The following ATG4C variants were observed in gnomAD, a reference collection of about 807,000 sequenced individuals.
ATG4C encodes autophagy related 4C cysteine peptidase, also known as cysteine protease ATG4C.
Under a neutral mutation model 57.6 loss-of-function variants are expected in ATG4C, and 56 were observed. The ratio of observed to expected loss-of-function variants is 0.97; its 90% CI spans 0.78 to 1.21. The LOEUF is 1.21. Ranked by LOEUF, ATG4C falls within the 50% of genes most tolerant of loss-of-function variation. The pLI is 0.00. For missense variants in ATG4C, 595 were observed against 529.8 expected, an observed-to-expected ratio of 1.12 and a Z score of -1.21; for synonymous variants, 157 against 174.1, an observed-to-expected ratio of 0.90 and a Z score of 0.78.
intron 3 of ATG4C, among the ~76,000 whole-genome samples, chr1:62,806,419 T>TTA (rs1262621679): frequency 4.6e-5 from 7 of 152,102 alleles, no homozygotes; most frequent in Admixed American, 3.9e-4. Flanking sequence ...GCGTATGGAT[T>TTA]TATATATATA....
At chr1:62,822,547 T>C (rs191894455) in intron 6 of ATG4C, among the ~76,000 whole-genome samples, 9 of 152,340 alleles carry the variant, frequency 5.9e-5, no homozygotes, top group Non-Finnish European at 1.3e-4. Context: ...TAAGCAAACA[T>C]TACAGTGTTC....
chr1:62,788,430 TACACACACACAC>T (rs10671530), intron 1 of ATG4C, among the ~76,000 whole-genome samples: 2 of 146,552 alleles, frequency 1.4e-5, no homozygotes, highest in Admixed American at 6.8e-5. Context: ...TCTCTATAAA[TACACACACACAC>T]ACACACACAC....
intron 10 of ATG4C, among the ~76,000 whole-genome samples, chr1:62,861,496 G>A (rs1666851838): frequency 6.6e-6 from 1 of 151,866 alleles, no homozygotes; most frequent in African/African-American, 2.4e-5. Flanking sequence ...AGTGAGCCGT[G>A]AGCCGTGATC....
At chr1:62,861,437 C>G (rs560024904) in intron 10 of ATG4C, among the ~76,000 whole-genome samples, 1 of 151,790 alleles carries the variant, frequency 6.6e-6, no homozygotes, top group African/African-American at 2.4e-5. Flanking sequence ...CCCAGCTACT[C>G]GGGAGCCTGA....
intron 10 of ATG4C, among the ~76,000 whole-genome samples, chr1:62,845,764 C>T (rs534904922): frequency 3.3e-5 from 5 of 152,060 alleles, no homozygotes; most frequent in South Asian, 2.1e-4. Flanking sequence ...TGCAGGGGCG[C>T]GATTTTGGCT....
intron 3 of ATG4C, among the ~76,000 whole-genome samples, chr1:62,814,778 T>G (rs1238229977): frequency 6.6e-6 from 1 of 152,174 alleles, no homozygotes; most frequent in Admixed American, 6.6e-5. Context: ...TTAAGGTGTT[T>G]AGGGCCAGGC....
In ATG4C at chr1:62,862,162, A is replaced by G. The variant is rs190117404; in HGVS notation, c.1210-1830A>G. Among the ~76,000 whole-genome samples, 313 of 152,306 alleles carry G rather than the reference A, an allele frequency of 2.1e-3. 3 individuals are homozygous for G. The highest frequency in any genetic ancestry group is 3.4e-3 in the Middle Eastern group (1 of 294). On this transcript the variant is annotated intron_variant, in intron 10 of 10. Transcript: ENST00000317868. ...ATTCTCCAAGCCTGAATCAATAAATATTGTGCATAAGGAGACCTTATACTG... is the reference window on the plus strand; with the variant it reads ...ATTCTCCAAGCCTGAATCAATAAATGTTGTGCATAAGGAGACCTTATACTG...
rs1453131807 is a variant in ATG4C at position 62,863,951 on chromosome 1, A to G, written c.1210-41A>G. The stretch of plus-strand genomic sequence containing the variant: ...TTGTCGTGTGGTCTTAGTGTGCACT[A>G]TTGCATCCAATAAGGAATTCTTCTA... On this transcript the variant is annotated intron_variant, in intron 10 of 10. Coordinates refer to ENST00000317868, the MANE Select transcript of ATG4C (RefSeq NM_032852.4). 35 of 1,415,448 alleles carry G rather than the reference A, an allele frequency of 2.5e-5. 1 individual carries two copies. The highest frequency in any genetic ancestry group is 5.8e-5 in the African/African-American group (4 of 69,152). The allele number at this position is 1,415,448 out of a possible 1,614,324, so 87.7% of individuals were successfully genotyped here. A position where few individuals can be genotyped will look rare whatever the true frequency, so the allele number is the denominator to read the frequency against.
In ATG4C at chr1:62,864,286, T is replaced by C; in HGVS notation, c.*127T>C. The C allele has an allele frequency of 2.7e-6, 2 of 752,986 alleles. No individual in the cohort carries two copies. The highest frequency in any genetic ancestry group is 3.6e-5 in the Admixed American group (1 of 27,496). 46.6% of individuals were successfully genotyped at this position (752,986 alleles called of 1,614,324 possible). A position where few individuals can be genotyped will look rare whatever the true frequency, so the allele number is the denominator to read the frequency against. On this transcript the variant is annotated 3_prime_UTR_variant, in exon 11 of 11. Transcript: ENST00000317868. ...TTTATATGTTCTTTAAAAAAGAACA[T>C]TTGAAAATATAACAGTTAAAGATAT...
chr1:62,792,286 C>T (rs1434791905), intron 1 of ATG4C, among the ~76,000 whole-genome samples: 2 of 152,146 alleles, frequency 1.3e-5, no homozygotes, highest in South Asian at 2.1e-4. Context: ...TGAGCCACCA[C>T]GCCCGGCCTT....
chr1:62,842,017 T>C (rs1017397063), intron 10 of ATG4C, among the ~76,000 whole-genome samples: 2 of 152,220 alleles, frequency 1.3e-5, no homozygotes, highest in African/African-American at 4.8e-5. Flanking sequence ...GCTGTGTTTT[T>C]ACCTTTCAGT....
chr1:62,820,583 C>A (rs1279936020), intron 5 of ATG4C, among the ~76,000 whole-genome samples: 1 of 151,932 alleles, frequency 6.6e-6, no homozygotes, highest in Non-Finnish European at 1.5e-5. Flanking sequence ...ATCATGTACA[C>A]CATTGAGAAC....
chr1:62,839,848 C>G (rs10889386), intron 9 of ATG4C, among the ~76,000 whole-genome samples: 97,060 of 151,890 alleles, frequency 0.64, 31,345 homozygotes, highest in African/African-American at 0.74. Context: ...TCATATTTTG[C>G]CCTATATTGA....
Position 62,829,126 on chromosome 1 carries a change from G to C in ATG4C, c.883G>C (p.Val295Leu). The C allele has an allele frequency of 6.2e-7, 1 of 1,613,050 alleles. No homozygotes were observed. The stretch of plus-strand genomic sequence containing the variant: ...CAAAGCTGTTATTATTCTAGTTCCT[G>C]TTAGACTTGGTGGAGAAAGAACCAA... ...DDKAVIILVPVRLGGERTNTD... is the reference protein window; with the variant it reads ...DDKAVIILVPLRLGGERTNTD... Residue 295 changes from valine to leucine, a missense_variant, in exon 7 of 11, where the codon GTT (valine) becomes CTT (leucine). By Grantham distance (32) the Val-to-Leu change is conservative. Coordinates refer to ENST00000317868, the MANE Select transcript of ATG4C (RefSeq NM_032852.4).
intron 3 of ATG4C, among the ~76,000 whole-genome samples, chr1:62,808,728 A>G (rs930989592): frequency 3.9e-5 from 6 of 152,104 alleles, no homozygotes; most frequent in African/African-American, 1.4e-4. Context: ...GGGTCTGGCA[A>G]TGAGAAATTA....
intron 7 of ATG4C, among the ~76,000 whole-genome samples, chr1:62,833,119 A>G (rs545097713): frequency 6.6e-6 from 1 of 152,270 alleles, no homozygotes; most frequent in South Asian, 2.1e-4. Context: ...TTGTTAAAGG[A>G]AAAAGAACGT....
In ATG4C at chr1:62,802,263, C is replaced by T. The variant is rs78004777; in HGVS notation, c.-68-1456C>T. Among the ~76,000 whole-genome samples the T allele has an allele frequency of 3.3e-5, 5 of 152,114 alleles. No homozygotes were observed. In the East Asian group the frequency reaches 7.8e-4, roughly 24 times the overall value. Reference sequence around the variant, plus strand: ...TGTCCATTTCTCCATCTTCACTGCTCCAGTCCAAGCTATCATCTCCTAGTC... The same window carrying T: ...TGTCCATTTCTCCATCTTCACTGCTTCAGTCCAAGCTATCATCTCCTAGTC... On this transcript the variant is annotated intron_variant, in intron 1 of 10. Coordinates refer to ENST00000317868, the MANE Select transcript of ATG4C (RefSeq NM_032852.4).
intron 1 of ATG4C, among the ~76,000 whole-genome samples, chr1:62,791,812 C>T (rs973141185): frequency 6.6e-6 from 1 of 152,178 alleles, no homozygotes. Flanking sequence ...AACTGAATTT[C>T]CTATCTTCAC....
chr1:62,835,778 A>C (rs969844027), intron 9 of ATG4C, among the ~76,000 whole-genome samples: 4 of 152,156 alleles, frequency 2.6e-5, no homozygotes, highest in South Asian at 2.1e-4. Flanking sequence ...GGTCAGGTCT[A>C]TTTTGTTCTT....
Sources: allele counts gnomAD v4.1 joint callset (sites outside exome capture counted in the v4.1 genomes callset), GRCh38; gene constraint gnomAD v4.1.1; transcripts MANE v1.5; gene names NCBI Gene and HGNC (gene_info 2026-07-23, HGNC 2026-07-21).